CHMP3: variants seen among roughly 807,000 people sequenced by gnomAD.
The protein encoded by CHMP3 is 25.1 protein.
A neutral mutation model predicts 27.4 loss-of-function variants in CHMP3; 8 were observed. The observed-to-expected ratio is 0.29, with a 90% CI of 0.17 to 0.53. The LOEUF (loss-of-function observed/expected upper bound fraction) is 0.53. CHMP3 is among the 20% of genes least tolerant of loss of function. The probability of loss-of-function intolerance (pLI) is 0.96; values close to 1 mark genes in which losing one functional copy is unlikely to be tolerated. For synonymous variants in CHMP3, 86 were observed against 85.5 expected, an observed-to-expected ratio of 1.01 and a Z score of -0.03; for missense variants, 208 against 271.5, an observed-to-expected ratio of 0.77 and a Z score of 1.64.
chr2:86,509,763 A>T (rs1005976726), intron 4 of CHMP3, among the ~76,000 whole-genome samples: 1 of 152,222 alleles, frequency 6.6e-6, no homozygotes. Flanking sequence ...AACGAGGACA[A>T]AAATCCCTAC....
intron 1 of CHMP3, 97 bp downstream of exon 1, chr2:86,563,193 GGGCCGGGCGGTATC>G: frequency 7.5e-7 from 1 of 1,338,244 alleles, no homozygotes; most frequent in Non-Finnish European, 1.0e-6. Flanking sequence ...CCGGAAATGG[GGGCCGGGCGGTATC>G]GGGCAGGCGG....
chr2:86,544,427 G>C (rs551156689), intron 1 of CHMP3, among the ~76,000 whole-genome samples: 4 of 151,696 alleles, frequency 2.6e-5, no homozygotes, highest in Non-Finnish European at 5.9e-5. Context: ...TAATAGTGGA[G>C]AGAAGGTCAG....
intron 4 of CHMP3, 30 bp downstream of exon 4, chr2:86,510,328 G>C: frequency 1.2e-6 from 2 of 1,611,074 alleles, no homozygotes; most frequent in East Asian, 2.2e-5. Flanking sequence ...CTGGGGTTTG[G>C]AAAGGAAAGC....
intron 1 of CHMP3, among the ~76,000 whole-genome samples, chr2:86,555,708 A>G (rs1184288976): frequency 2.0e-5 from 3 of 152,152 alleles, no homozygotes; most frequent in Admixed American, 6.5e-5. Flanking sequence ...CTTCAAGGCC[A>G]GCATCTTCAG....
chr2:86,543,963 C>A (rs554788820), intron 1 of CHMP3, among the ~76,000 whole-genome samples: 1 of 152,356 alleles, frequency 6.6e-6, no homozygotes, highest in East Asian at 1.9e-4. Flanking sequence ...ATAATCTCTT[C>A]CTATCTCCCC....
intron 1 of CHMP3, among the ~76,000 whole-genome samples, chr2:86,555,323 CG>C (rs1385767211): frequency 6.6e-6 from 1 of 151,832 alleles, no homozygotes; most frequent in Non-Finnish European, 1.5e-5. Context: ...TGTGTGCTGA[CG>C]TAAGAAAATG....
chr2:86,538,682 G>C (rs1676242030), intron 2 of CHMP3, among the ~76,000 whole-genome samples: 1 of 152,050 alleles, frequency 6.6e-6, no homozygotes, highest in African/African-American at 2.4e-5. Flanking sequence ...TTCATTTGAG[G>C]AGCAGATGAA....
Position 86,515,541 on chromosome 2 carries a change from G to A in CHMP3, c.287-5062C>T, listed in dbSNP as rs1161438994. 5.9e-5 allele frequency among the ~76,000 whole-genome samples: 9 copies of A among 152,028 alleles called. No individual in the cohort carries two copies. In the East Asian group the frequency reaches 9.7e-4, roughly 16 times the overall value. ...TCACTATGTTGGTCAGGCTGGTCTC[G>A]AACTCCTGACCTCAGGTGATCCACC... On this transcript the variant is annotated intron_variant, in intron 3 of 5. Transcript: ENST00000263856.
At position 86,505,876 on chromosome 2, in the gene CHMP3, G is replaced by A; in HGVS notation, c.597C>T (p.Ala199=). 6.2e-7 allele frequency: 1 copy of A among 1,602,212 alleles called. No homozygotes were observed. The highest frequency in any genetic ancestry group is 1.3e-5 in the African/African-American group (1 of 74,562). The part of the protein sequence containing the change: ...PEPEPPGAMA[A]SEDEEEEEEA... Reference sequence around the variant, plus strand: ...CTTCCTCCTCCTCCTCATCCTCTGAGGCAGCCATCGCTCCTGGAGGTTCTG... The same window carrying A: ...CTTCCTCCTCCTCCTCATCCTCTGAAGCAGCCATCGCTCCTGGAGGTTCTG... The change falls in exon 6 of 6, where the codon GCC becomes GCT. Residue 199 remains alanine (A), a synonymous_variant. Coordinates refer to ENST00000263856, the MANE Select transcript of CHMP3 (RefSeq NM_016079.4).
At chr2:86,556,824 G>A (rs1429311498) in intron 1 of CHMP3, among the ~76,000 whole-genome samples, 2 of 152,134 alleles carry the variant, frequency 1.3e-5, no homozygotes, top group Non-Finnish European at 2.9e-5. Flanking sequence ...CCCCTAGCCC[G>A]CTTTTTCACT....
intron 1 of CHMP3, among the ~76,000 whole-genome samples, chr2:86,544,938 C>T (rs957052239): frequency 1.6e-4 from 24 of 146,890 alleles, no homozygotes; most frequent in South Asian, 1.3e-3. Context: ...CGGGCAGAGA[C>T]GCTCACTTCC....
At chr2:86,563,151 C>G in intron 1 of CHMP3, 153 bp downstream of exon 1, 1 of 893,550 alleles carries the variant, frequency 1.1e-6, no homozygotes, top group Non-Finnish European at 1.7e-6. Context: ...CCTAAAGACT[C>G]TTCCTCCGGC....
At chr2:86,557,607 A>AT (rs1558664284) in intron 1 of CHMP3, among the ~76,000 whole-genome samples, 1 of 152,034 alleles carries the variant, frequency 6.6e-6, no homozygotes, top group Non-Finnish European at 1.5e-5. Context: ...ACCATTCTGA[A>AT]TTTTTTCCCT....
intron 1 of CHMP3, among the ~76,000 whole-genome samples, chr2:86,560,376 G>A (rs1286310487): frequency 6.6e-6 from 1 of 152,142 alleles, no homozygotes; most frequent in African/African-American, 2.4e-5. Context: ...ATACTATGAA[G>A]CCATAAAAAA....
intron 4 of CHMP3, among the ~76,000 whole-genome samples, chr2:86,509,918 G>A (rs1180357380): frequency 6.6e-6 from 1 of 152,208 alleles, no homozygotes; most frequent in African/African-American, 2.4e-5. Context: ...GGGGTGGCAG[G>A]TATTTACGCA....
chr2:86,506,158 GA>G (rs1558641780), intron 5 of CHMP3, among the ~76,000 whole-genome samples: 2 of 152,304 alleles, frequency 1.3e-5, no homozygotes, highest in South Asian at 4.1e-4. Flanking sequence ...AGGATTTTAA[GA>G]ATCTCGGTTC....
chr2:86,513,944 A>C (rs1314254553), intron 3 of CHMP3, among the ~76,000 whole-genome samples: 2 of 152,358 alleles, frequency 1.3e-5, no homozygotes, highest in East Asian at 3.9e-4. Flanking sequence ...CTGCCATCTT[A>C]AGCAAGCTGA....
In CHMP3 at chr2:86,505,748, CAT is replaced by C. The variant is rs1306426417; in HGVS notation, c.*54_*55del. The stretch of plus-strand genomic sequence containing the variant: ...CAACAGAGGTGTAGTGCAAGAGACA[CAT>C]AAAATGGCAGCTCTTGAGAGGAGTG... On this transcript the variant is annotated 3_prime_UTR_variant, in exon 6 of 6. Transcript: ENST00000263856. 6.9e-7 allele frequency: 1 copy of C among 1,444,924 alleles called. No individual in the cohort carries two copies. Among genetic ancestry groups the C allele is most frequent in the African/African-American group, 1.4e-5 (1 of 69,502 alleles). The allele number at this position is 1,444,924 out of a possible 1,614,324, so 89.5% of individuals were successfully genotyped here. A position where few individuals can be genotyped will look rare whatever the true frequency, so the allele number is the denominator to read the frequency against.
At chr2:86,547,122 A>C (rs1350098104) in intron 1 of CHMP3, among the ~76,000 whole-genome samples, 2 of 152,020 alleles carry the variant, frequency 1.3e-5, no homozygotes, top group Non-Finnish European at 2.9e-5. Flanking sequence ...CTATACCCCC[A>C]CCTCTTTTGG....
Sources: allele counts gnomAD v4.1 joint callset (sites outside exome capture counted in the v4.1 genomes callset), GRCh38; gene constraint gnomAD v4.1.1; transcripts MANE v1.5; gene names NCBI Gene and HGNC (gene_info 2026-07-23, HGNC 2026-07-21).